The following TMEM204 variants were observed in gnomAD, a reference collection of about 807,000 sequenced individuals.
TMEM204 encodes the protein transmembrane protein 204.
Under a neutral mutation model 19.4 loss-of-function variants are expected in TMEM204, and 15 were observed. The ratio of observed to expected loss-of-function variants is 0.77; its 90% CI spans 0.52 to 1.19. The LOEUF is 1.19. TMEM204 is among the 50% of genes most tolerant of loss of function. The pLI is 0.00. For missense variants in TMEM204, 287 were observed against 321.2 expected, an observed-to-expected ratio of 0.89 and a Z score of 0.81; for synonymous variants, 161 against 146.0, an observed-to-expected ratio of 1.10 and a Z score of -0.74.
chr16:1,534,588 G>A lies in TMEM204; in HGVS notation c.280+33G>A, dbSNP rs540365410. The A allele has an allele frequency of 2.4e-5, 38 of 1,598,612 alleles. No homozygotes were observed. The South Asian group carries it at 3.6e-4, about 15-fold the overall frequency. On this transcript the variant is annotated intron_variant, in intron 1 of 2. Coordinates refer to ENST00000566264, the MANE Select transcript of TMEM204 (RefSeq NM_024600.6). ...CAATTGTTTTCCTGATGCCTTCAGC[G>A]TGGCCGAGGCTCGAGGGCACATGGG...
rs373161890 is a variant in TMEM204, at chr16:1,553,847, G to A, written c.437-935G>A. The A allele has an allele frequency of 1.6e-5, 20 of 1,226,580 alleles. No individual in the cohort carries two copies. Among genetic ancestry groups the A allele is most frequent in the African/African-American group, 1.3e-4 (8 of 63,736 alleles). The allele number at this position is 1,226,580 out of a possible 1,614,324, so 76.0% of individuals were successfully genotyped here. ...CCGGCTCCATCGCTGCGGCCACAGTGTCCTGTTATCCTAGTTGGTAGACTC... is the reference window on the plus strand; with the variant it reads ...CCGGCTCCATCGCTGCGGCCACAGTATCCTGTTATCCTAGTTGGTAGACTC... On this transcript the variant is annotated intron_variant, in intron 2 of 2. Coordinates refer to ENST00000566264, the MANE Select transcript of TMEM204 (RefSeq NM_024600.6). The surrounding 1 kb of genome is among the most constrained non-coding windows in gnomAD (Gnocchi z 4.4).
In TMEM204 at chr16:1,534,421, G is replaced by A; in HGVS notation, c.146G>A (p.Cys49Tyr). 1 of 1,612,384 alleles carries A rather than the reference G, an allele frequency of 6.2e-7. No individual in the cohort carries two copies. Among genetic ancestry groups the A allele is most frequent in the South Asian group, 1.1e-5 (1 of 91,058 alleles). ...CGCAGCGTGGGGCTGTGGAGGTCCT[G>A]CTGGCTGGTGGACAGGACCCGGGGA... ...RRRSVGLWRS[C>Y]WLVDRTRGGP... Residue 49 changes from cysteine to tyrosine, a missense_variant, in exon 1 of 3, where the codon TGC becomes TAC. Transcript: ENST00000566264.
rs201752158 is a variant in TMEM204, at chr16:1,534,556, G to C, written c.280+1G>C. On this transcript the variant is annotated splice_donor_variant, in intron 1 of 2. Transcript: ENST00000566264. LOFTEE classifies it high-confidence loss of function. ...CAGGAGTCCCGAGGCACCGTCAAACGTAAGTCCAATTGTTTTCCTGATGCC... is the reference window on the plus strand; with the variant it reads ...CAGGAGTCCCGAGGCACCGTCAAACCTAAGTCCAATTGTTTTCCTGATGCC... 12 of 1,602,236 alleles carry C rather than the reference G, an allele frequency of 7.5e-6. No individual in the cohort carries two copies. Among genetic ancestry groups the C allele is most frequent in the Non-Finnish European group, 1.0e-5 (12 of 1,179,870 alleles).
chr16:1,547,042 G>A (rs1305414864), intron 2 of TMEM204, among the ~76,000 whole-genome samples: 2 of 152,228 alleles, frequency 1.3e-5, no homozygotes, highest in Non-Finnish European at 2.9e-5. Flanking sequence ...GCTGGGCTTA[G>A]CTGGGTTTCC....
At position 1,553,274 on chromosome 16, in the gene TMEM204, GTCTC is replaced by G. The variant is rs2032824905; in HGVS notation, c.437-1504_437-1501del. On this transcript the variant is annotated intron_variant, in intron 2 of 2. Coordinates refer to ENST00000566264, the MANE Select transcript of TMEM204 (RefSeq NM_024600.6). The surrounding 1 kb of genome is among the most constrained non-coding windows in gnomAD (Gnocchi z 4.4). ...TCTCTCTGTATCTCTCTTGGTCTCTGTCTCTCTGTGTCTCTGCCTGTCTCTCTGT... is the reference window on the plus strand; with the variant it reads ...TCTCTCTGTATCTCTCTTGGTCTCTGTCTGTGTCTCTGCCTGTCTCTCTGT... 5.1e-6 allele frequency: 5 copies of G among 978,818 alleles called. No homozygotes were observed. The highest frequency in any genetic ancestry group is 1.1e-4 in the East Asian group (1 of 8,754). The allele number at this position is 978,818 out of a possible 1,614,324, so 60.6% of individuals were successfully genotyped here.
chr16:1,534,566 T>C lies in TMEM204; in HGVS notation c.280+11T>C. On this transcript the variant is annotated intron_variant, in intron 1 of 2. Coordinates refer to ENST00000566264, the MANE Select transcript of TMEM204 (RefSeq NM_024600.6). ...GAGGCACCGTCAAACGTAAGTCCAA[T>C]TGTTTTCCTGATGCCTTCAGCGTGG... The C allele has an allele frequency of 6.2e-7, 1 of 1,600,138 alleles. No homozygotes were observed. Among genetic ancestry groups the C allele is most frequent in the African/African-American group, 1.3e-5 (1 of 75,050 alleles).
rs1368812897 is a variant in TMEM204 at position 1,554,764 on chromosome 16, C to A, written c.437-18C>A. 1.2e-6 allele frequency: 2 copies of A among 1,612,920 alleles called. No homozygotes were observed. Among genetic ancestry groups the A allele is most frequent in the Non-Finnish European group, 1.7e-6 (2 of 1,179,082 alleles). On this transcript the variant is annotated intron_variant, in intron 2 of 2. Transcript: ENST00000566264. ...CTTCCTCTCAGACAAGGCCTCTCAA[C>A]CCTTCTCTCATCTGCAGGTTTTGTC...
intron 1 of TMEM204, chr16:1,541,406 G>C (rs1044979504): frequency 1.6e-5 from 16 of 985,406 alleles, no homozygotes; most frequent in Non-Finnish European, 1.9e-5. Context: ...CTGGGAGGAG[G>C]GAACACCACC....
intron 2 of TMEM204, among the ~76,000 whole-genome samples, chr16:1,542,590 TGCCTGGGGTCA>T (rs1001852989): frequency 6.6e-5 from 10 of 152,198 alleles, no homozygotes; most frequent in Non-Finnish European, 1.2e-4. Flanking sequence ...TCCTAGGACC[TGCCTGGGGTCA>T]GCCTGGGGTC....
At chr16:1,536,377 CT>C (rs2031074108) in intron 1 of TMEM204, among the ~76,000 whole-genome samples, 1 of 152,202 alleles carries the variant, frequency 6.6e-6, no homozygotes, top group Admixed American at 6.5e-5. Context: ...ACAGAGCCCC[CT>C]GGACTGCCTC....
chr16:1,531,001 G>A (rs889071399), upstream of TMEM204: 7 of 152,410 alleles, frequency 4.6e-5, no homozygotes, highest in Admixed American at 2.0e-4. This position sits in a 1 kb window ranked among gnomAD's most constrained non-coding sequence, Gnocchi z 4.7. Flanking sequence ...CGCCAGAAGC[G>A]TCCAGACCCA....
chr16:1,548,905 G>GAC (rs2032401845), intron 2 of TMEM204, among the ~76,000 whole-genome samples: 2 of 152,224 alleles, frequency 1.3e-5, no homozygotes, highest in African/African-American at 4.8e-5. Context: ...TTTTACTGCT[G>GAC]ACAGGTGGAA....
intron 1 of TMEM204, among the ~76,000 whole-genome samples, chr16:1,534,765 ACTC>A (rs1403268037): frequency 1.3e-5 from 2 of 150,096 alleles, no homozygotes; most frequent in East Asian, 1.9e-4. Flanking sequence ...GGCCCCACAC[ACTC>A]CTCCTGCTCA....
chr16:1,552,125 T>C (rs1365149688), intron 2 of TMEM204, among the ~76,000 whole-genome samples: 1 of 152,058 alleles, frequency 6.6e-6, no homozygotes, highest in African/African-American at 2.4e-5. Flanking sequence ...AGAGGCCCCC[T>C]GAGATTTTAA....
chr16:1,554,524 C>T (rs1212166835), intron 2 of TMEM204, among the ~76,000 whole-genome samples: 4 of 152,202 alleles, frequency 2.6e-5, no homozygotes, highest in Admixed American at 6.5e-5. Context: ...CCTCCACAGC[C>T]GCCAGAGCCT....
intron 1 of TMEM204, among the ~76,000 whole-genome samples, chr16:1,540,599 G>A (rs534513300): frequency 2.0e-5 from 3 of 152,328 alleles, no homozygotes; most frequent in African/African-American, 7.2e-5. Context: ...CTGGATTCTG[G>A]TGTCTGTGAT....
rs983260338 is a variant in TMEM204, at chr16:1,553,071, T to C, written c.437-1711T>C. On this transcript the variant is annotated intron_variant, in intron 2 of 2. Coordinates refer to ENST00000566264, the MANE Select transcript of TMEM204 (RefSeq NM_024600.6). The surrounding 1 kb of genome is among the most constrained non-coding windows in gnomAD (Gnocchi z 4.4). ...GTCACTGTCATTGTTCAGGACAAAATGGAGATAGATAAATGCTTAATTCAT... is the reference window on the plus strand; with the variant it reads ...GTCACTGTCATTGTTCAGGACAAAACGGAGATAGATAAATGCTTAATTCAT... 1.6e-5 allele frequency: 16 copies of C among 985,302 alleles called. No homozygotes were observed. Among genetic ancestry groups the C allele is most frequent in the African/African-American group, 3.5e-5 (2 of 57,230 alleles). 61.0% of individuals were successfully genotyped at this position (985,302 alleles called of 1,614,324 possible). A position where few individuals can be genotyped will look rare whatever the true frequency, so the allele number is the denominator to read the frequency against.
chr16:1,535,781 C>T (rs990829323), intron 1 of TMEM204, among the ~76,000 whole-genome samples: 1 of 152,250 alleles, frequency 6.6e-6, no homozygotes, highest in Admixed American at 6.5e-5. Flanking sequence ...GCCTGGACTG[C>T]GCACTTCCTC....
upstream of TMEM204, chr16:1,528,709 C>A (rs1455595830): frequency 6.5e-6 from 1 of 153,216 alleles, no homozygotes; most frequent in Non-Finnish European, 1.5e-5. Flanking sequence ...AGGGCAGCAG[C>A]CCTGCAGCCT....
Sources: gnomAD v4.1 joint callset for allele counts (sites outside exome capture counted in the v4.1 genomes callset) on GRCh38, gnomAD v4.1.1 for gene constraint, Gnocchi (gnomAD v3.1) non-coding constraint, MANE v1.5 for transcripts, NCBI Gene and HGNC (gene_info 2026-07-23, HGNC 2026-07-21) for gene names.